Variants in MED12L observed in about 807,000 individuals in gnomAD.
MED12L encodes the protein mediator of RNA polymerase II transcription subunit 12-like protein.
A neutral mutation model predicts 281.3 loss-of-function variants in MED12L; 60 were observed. The observed-to-expected ratio is 0.21, with a 90% CI of 0.17 to 0.26. The LOEUF (loss-of-function observed/expected upper bound fraction) is 0.26, where lower values mean the gene tolerates loss of function less well. Ranked by LOEUF, MED12L falls within the 10% of genes least tolerant of loss-of-function variation. The pLI is 1.00. For synonymous variants in MED12L, 974 were observed against 987.2 expected (o/e 0.99, Z 0.25); for missense variants, 2,146 against 2,680.9 (o/e 0.80, Z 4.41).
intron 16 of MED12L, among the ~76,000 whole-genome samples, chr3:151,266,051 T>G (rs73023031): frequency 0.023 from 3,479 of 152,298 alleles, 126 homozygotes; most frequent in African/African-American, 0.081. Context: ...AGATTCGACT[T>G]GGCAGTGTGC....
chr3:151,129,793 T>C (rs1054863603), intron 5 of MED12L, among the ~76,000 whole-genome samples: 2 of 151,384 alleles, frequency 1.3e-5, no homozygotes, highest in African/African-American at 4.9e-5. Flanking sequence ...TTTTTAGAGG[T>C]GGGGGGTCTC....
intron 12 of MED12L, 74 bp from the exon 13 acceptor site, chr3:151,188,280 A>C: frequency 7.9e-7 from 1 of 1,266,030 alleles, no homozygotes; most frequent in Admixed American, 2.0e-5. Flanking sequence ...AATGCCAATA[A>C]AAAATTAACA....
chr3:151,257,682 A>G (rs1400725374), intron 16 of MED12L, among the ~76,000 whole-genome samples: 1 of 152,224 alleles, frequency 6.6e-6, no homozygotes, highest in Non-Finnish European at 1.5e-5. Context: ...GGGCTTTCAT[A>G]CCATCTTCAA....
intron 16 of MED12L, among the ~76,000 whole-genome samples, chr3:151,242,407 C>G (rs1241053817): frequency 6.6e-6 from 1 of 152,206 alleles, no homozygotes; most frequent in Non-Finnish European, 1.5e-5. Flanking sequence ...GTGGTTCTCC[C>G]AGCACGCAGC....
At chr3:151,356,307 A>T (rs1753915202) in intron 19 of MED12L, among the ~76,000 whole-genome samples, 1 of 152,110 alleles carries the variant, frequency 6.6e-6, no homozygotes, top group South Asian at 2.1e-4. Context: ...CAGGAGACTC[A>T]CTTAAGCCCA....
intron 23 of MED12L, among the ~76,000 whole-genome samples, chr3:151,367,375 A>G (rs1187155003): frequency 6.6e-6 from 1 of 152,042 alleles, no homozygotes; most frequent in Non-Finnish European, 1.5e-5. Flanking sequence ...CTGATTTTCC[A>G]TTTTTGTTGT....
chr3:151,089,836 C>T (rs1210031858), intron 2 of MED12L, among the ~76,000 whole-genome samples: 1 of 152,126 alleles, frequency 6.6e-6, no homozygotes, highest in African/African-American at 2.4e-5. Context: ...GCCTTTAAAG[C>T]AGGGAATCAG....
intron 17 of MED12L, among the ~76,000 whole-genome samples, chr3:151,353,912 C>T (rs1290653562): frequency 4.6e-5 from 7 of 151,900 alleles, no homozygotes; most frequent in Middle Eastern, 3.4e-3. Flanking sequence ...GAGGCCGAGG[C>T]GGGCGGATCA....
intron 43 of MED12L, among the ~76,000 whole-genome samples, chr3:151,426,346 G>A (rs1402662567): frequency 6.6e-6 from 1 of 152,210 alleles, no homozygotes; most frequent in African/African-American, 2.4e-5. Flanking sequence ...CTTCACAGGA[G>A]GGGTTCAGTT....
chr3:151,086,945 C>CT lies in MED12L; in HGVS notation c.20dup (p.Ser8GlnfsTer3). 1 of 1,605,550 alleles carries CT rather than the reference C, an allele frequency of 6.2e-7. No individual in the cohort carries two copies. The highest frequency in any genetic ancestry group is 8.5e-7 in the Non-Finnish European group (1 of 1,176,766). ...AGAGATCATGGCCGCCTTCGGGCTT[C>CT]TCAGCTATGAGCAGAGACCGCTGAA... is the stretch of plus-strand genomic sequence containing the variant. On this transcript the variant is annotated frameshift_variant, in exon 2 of 45. Transcript: ENST00000687756. LOFTEE classifies it high-confidence loss of function.
At chr3:151,272,268 T>C (rs1741089859) in intron 16 of MED12L, among the ~76,000 whole-genome samples, 1 of 152,196 alleles carries the variant, frequency 6.6e-6, no homozygotes, top group South Asian at 2.1e-4. Flanking sequence ...ATTTCTCAAA[T>C]AGGGTCAAGG....
chr3:151,118,408 T>A (rs141439493), intron 3 of MED12L, among the ~76,000 whole-genome samples: 65 of 152,348 alleles, frequency 4.3e-4, no homozygotes, highest in African/African-American at 1.5e-3. Flanking sequence ...TAGAAACATT[T>A]TCTGCAGATA....
intron 2 of MED12L, among the ~76,000 whole-genome samples, chr3:151,113,268 G>A (rs901537814): frequency 6.6e-6 from 1 of 152,190 alleles, no homozygotes; most frequent in Non-Finnish European, 1.5e-5. Context: ...AACAGACAGT[G>A]CAAAATCCCT....
At chr3:151,144,870 A>G (rs773624374) in intron 5 of MED12L, among the ~76,000 whole-genome samples, 2 of 151,944 alleles carry the variant, frequency 1.3e-5, no homozygotes, top group Non-Finnish European at 2.9e-5. Flanking sequence ...CATCATGTAA[A>G]CCTACCTGCA....
At position 151,160,074 on chromosome 3, in the gene MED12L, G is replaced by C. The variant is rs1719789256; in HGVS notation, c.1080G>C (p.Leu360=). The C allele has an allele frequency of 1.9e-6, 3 of 1,610,602 alleles. No homozygotes were observed. The highest frequency in any genetic ancestry group is 1.3e-5 in the African/African-American group (1 of 74,808). The change falls in exon 8 of 45, where the codon CTG becomes CTC. Residue 360 remains leucine (L), a synonymous_variant. Coordinates refer to ENST00000687756, the MANE Select transcript of MED12L (RefSeq NM_001393769.1). ...DFLSCAQHGP[L]VYGLSCMLQT... is the part of the protein sequence containing the mutation. ...TTTCCTGTGCACAGCATGGTCCCCT[G>C]GTTTATGGACTTAGTTGTATGTTGC...
At chr3:151,360,389 T>TA (rs1754465523) in intron 20 of MED12L, 85 bp from the exon 21 acceptor site, 1 of 1,235,868 alleles carries the variant, frequency 8.1e-7, no homozygotes, top group Non-Finnish European at 1.1e-6. Context: ...ACCCAAGTGA[T>TA]ACATATTTTC....
intron 16 of MED12L, chr3:151,338,967 T>C: frequency 1.1e-6 from 1 of 926,918 alleles, no homozygotes; most frequent in Non-Finnish European, 1.7e-6. Flanking sequence ...AGTTGAGGTT[T>C]CTCATCTTCA....
chr3:151,273,877 A>G (rs985090814), intron 16 of MED12L, among the ~76,000 whole-genome samples: 1 of 152,156 alleles, frequency 6.6e-6, no homozygotes, highest in Non-Finnish European at 1.5e-5. Flanking sequence ...TAAGACCCTC[A>G]TTTTTGTCCA....
intron 4 of MED12L, among the ~76,000 whole-genome samples, chr3:151,127,115 G>T (rs1447449465): frequency 6.6e-6 from 1 of 152,192 alleles, no homozygotes; most frequent in African/African-American, 2.4e-5. Context: ...GATACTAGAA[G>T]AATGAATTAA....
Sources: gnomAD v4.1 joint callset for allele counts (sites outside exome capture counted in the v4.1 genomes callset) on GRCh38, gnomAD v4.1.1 for gene constraint, MANE v1.5 for transcripts, NCBI Gene and HGNC (gene_info 2026-07-23, HGNC 2026-07-21) for gene names.